ZBTB7C: variants seen among roughly 807,000 people sequenced by gnomAD.
ZBTB7C encodes zinc finger and BTB domain containing 7C.
ZBTB7C carries 8 observed loss-of-function variants against 25.7 expected under a neutral mutation model. That is an observed-to-expected ratio of 0.31 (90% confidence interval 0.18 to 0.56). The LOEUF is 0.56. ZBTB7C is among the 20% of genes least tolerant of loss of function. The pLI is 0.91. For missense variants in ZBTB7C, 824 were observed against 855.2 expected (o/e 0.96, Z 0.46); for synonymous variants, 394 against 369.0 (o/e 1.07, Z -0.78).
chr18:48,042,836 C>T (rs1243174771), intron 3 of ZBTB7C, among the ~76,000 whole-genome samples: 1 of 152,208 alleles, frequency 6.6e-6, no homozygotes, highest in South Asian at 2.1e-4. Context: ...AGGCTCTGTA[C>T]TGTACTCTGG....
chr18:48,057,008 C>T (rs2036939027), intron 3 of ZBTB7C, among the ~76,000 whole-genome samples: 1 of 125,204 alleles, frequency 8.0e-6, no homozygotes, highest in African/African-American at 3.1e-5. Context: ...GACCATGTGT[C>T]ACCAAATCAG....
intron 3 of ZBTB7C, among the ~76,000 whole-genome samples, chr18:48,093,167 G>A (rs932090819): frequency 6.6e-6 from 1 of 152,194 alleles, no homozygotes; most frequent in Non-Finnish European, 1.5e-5. Flanking sequence ...GCCAGTGCCC[G>A]AACTAGGGTA....
intron 2 of ZBTB7C, among the ~76,000 whole-genome samples, chr18:48,189,450 G>C (rs1366945526): frequency 6.6e-6 from 1 of 152,094 alleles, no homozygotes; most frequent in African/African-American, 2.4e-5. Context: ...TTGGAGACAG[G>C]GGGAGACTGA....
intron 3 of ZBTB7C, among the ~76,000 whole-genome samples, chr18:48,171,114 G>C (rs375739083): frequency 6.6e-6 from 1 of 152,344 alleles, no homozygotes; most frequent in African/African-American, 2.4e-5. Flanking sequence ...CTTGGCAGTA[G>C]AAGAAGATGG....
intron 3 of ZBTB7C, among the ~76,000 whole-genome samples, chr18:48,067,078 G>A (rs2144365505): frequency 1.3e-5 from 2 of 152,150 alleles, no homozygotes; most frequent in South Asian, 4.2e-4. Context: ...CTCTAGCCTG[G>A]GTGACAGAGC....
intron 2 of ZBTB7C, among the ~76,000 whole-genome samples, chr18:48,329,143 A>T (rs976271805): frequency 2.6e-5 from 4 of 152,222 alleles, no homozygotes; most frequent in Admixed American, 2.6e-4. Context: ...ATATAAAAAT[A>T]ATCACCACCA....
intron 3 of ZBTB7C, among the ~76,000 whole-genome samples, chr18:48,103,899 C>T (rs2038936143): frequency 6.6e-6 from 1 of 152,120 alleles, no homozygotes; most frequent in African/African-American, 2.4e-5. Flanking sequence ...TCTATAGAGA[C>T]ATAAAGTAGA....
chr18:48,405,476 G>A (rs2048258944), intron 1 of ZBTB7C, among the ~76,000 whole-genome samples: 1 of 152,224 alleles, frequency 6.6e-6, no homozygotes, highest in East Asian at 1.9e-4. Context: ...CTTGAGTTCT[G>A]TCCTGTGAGA....
chr18:48,092,344 G>A (rs1374691377), intron 3 of ZBTB7C, among the ~76,000 whole-genome samples: 1 of 152,240 alleles, frequency 6.6e-6, no homozygotes, highest in East Asian at 1.9e-4. Flanking sequence ...GTAAGGAGCA[G>A]CTGCGCTGGG....
At chr18:48,353,945 A>G (rs4939772) in intron 1 of ZBTB7C, among the ~76,000 whole-genome samples, 93,429 of 151,970 alleles carry the variant, frequency 0.61, 29,291 homozygotes, top group East Asian at 0.95. Flanking sequence ...GGAGATAGAG[A>G]CTTTACCTCT....
chr18:48,283,602 C>T (rs1028580148), intron 2 of ZBTB7C, among the ~76,000 whole-genome samples: 2 of 152,138 alleles, frequency 1.3e-5, no homozygotes, highest in Non-Finnish European at 2.9e-5. Flanking sequence ...GTGAATTATT[C>T]CCATTGCTGA....
intron 3 of ZBTB7C, among the ~76,000 whole-genome samples, chr18:48,060,825 G>T (rs2037099235): frequency 6.6e-6 from 1 of 152,140 alleles, no homozygotes; most frequent in Admixed American, 6.5e-5. Flanking sequence ...ATAGCTCTGG[G>T]GTGTGAGGTG....
At chr18:48,341,331 C>T (rs1031646926) in intron 1 of ZBTB7C, among the ~76,000 whole-genome samples, 3 of 152,170 alleles carry the variant, frequency 2.0e-5, no homozygotes, top group Non-Finnish European at 1.5e-5. Flanking sequence ...AGCCCTGGCT[C>T]GGTCTCAGGC....
chr18:48,117,171 A>G (rs2039469616), intron 3 of ZBTB7C, among the ~76,000 whole-genome samples: 1 of 152,242 alleles, frequency 6.6e-6, no homozygotes, highest in East Asian at 1.9e-4. Context: ...AGAACATACC[A>G]GTCCCTCCGT....
intron 3 of ZBTB7C, among the ~76,000 whole-genome samples, chr18:48,140,389 C>T (rs576973363): frequency 6.6e-6 from 1 of 152,230 alleles, no homozygotes; most frequent in East Asian, 1.9e-4. Flanking sequence ...GTTATTTCCT[C>T]CATCTTACTG....
chr18:48,190,536 C>T (rs1414073490), intron 2 of ZBTB7C, among the ~76,000 whole-genome samples: 1 of 152,116 alleles, frequency 6.6e-6, no homozygotes, highest in African/African-American at 2.4e-5. Flanking sequence ...CAAATCAAGC[C>T]CATGAACTCA....
At chr18:48,358,609 A>C (rs1221450331) in intron 1 of ZBTB7C, among the ~76,000 whole-genome samples, 1 of 152,038 alleles carries the variant, frequency 6.6e-6, no homozygotes, top group Non-Finnish European at 1.5e-5. Flanking sequence ...CAGCAGCACA[A>C]CTCTTGCAGG....
intron 3 of ZBTB7C, among the ~76,000 whole-genome samples, chr18:48,073,755 C>T (rs1358101597): frequency 6.6e-6 from 1 of 152,150 alleles, no homozygotes; most frequent in Non-Finnish European, 1.5e-5. Context: ...TCTTTAAGGG[C>T]CAGGCTGTCC....
At chr18:48,107,782 C>T (rs1302645478) in intron 3 of ZBTB7C, among the ~76,000 whole-genome samples, 1 of 152,140 alleles carries the variant, frequency 6.6e-6, no homozygotes, top group Non-Finnish European at 1.5e-5. Context: ...CAGGCACGAG[C>T]TTGTCTCAAG....
Sources: gnomAD v4.1 joint callset for allele counts (sites outside exome capture counted in the v4.1 genomes callset) on GRCh38, gnomAD v4.1.1 for gene constraint, MANE v1.5 for transcripts, NCBI Gene and HGNC (gene_info 2026-07-23, HGNC 2026-07-21) for gene names.